The following NAAA variants were observed in gnomAD, a reference collection of about 807,000 sequenced individuals.
The protein encoded by NAAA is N-acylethanolamine-hydrolyzing acid amidase.
NAAA carries 39 observed loss-of-function variants against 44.8 expected under a neutral mutation model. That is an observed-to-expected ratio of 0.87 (90% CI 0.67 to 1.14). The LOEUF (loss-of-function observed/expected upper bound fraction) is 1.14. NAAA is among the 50% of genes most tolerant of loss of function. The pLI is 0.00. For missense variants in NAAA, 460 were observed against 467.8 expected (o/e 0.98, Z 0.15); for synonymous variants, 178 against 191.3 (o/e 0.93, Z 0.58).
chr4:75,911,383 C>T (rs1418422063), downstream of NAAA: 1 of 484,090 alleles, frequency 2.1e-6, no homozygotes, highest in South Asian at 1.5e-5. Context: ...TCACTGAGAT[C>T]ATACTATTGC....
In NAAA at chr4:75,921,031, C is replaced by A. The variant is rs141023635; in HGVS notation, c.759G>T (p.Thr253=). 6.2e-7 allele frequency: 1 copy of A among 1,607,728 alleles called. No homozygotes were observed. Among genetic ancestry groups the A allele is most frequent in the Non-Finnish European group, 8.5e-7 (1 of 1,178,696 alleles). The change falls in exon 6 of 11, where the codon ACG becomes ACT. Residue 253 remains threonine, a synonymous_variant. Transcript: ENST00000286733. ...TGATGACCACCCCCTCCCGGGGGGA[C>A]GTGCCACCAACAATGTAATAAACAT... The part of the protein sequence containing the change: ...IADVYYIVGG[T]SPREGVVITR...
chr4:75,931,952 A>G (rs1578074940), intron 3 of NAAA, among the ~76,000 whole-genome samples: 2 of 152,252 alleles, frequency 1.3e-5, no homozygotes, highest in African/African-American at 2.4e-5. Flanking sequence ...TTTTGAAGCC[A>G]GGAGCAGTGG....
In NAAA at chr4:75,940,072, G is replaced by A. The variant is rs200779020; in HGVS notation, c.300C>T (p.Arg100=). The change falls in exon 2 of 11, where the codon CGC becomes CGT. Residue 100 remains arginine (R), a synonymous_variant. Coordinates refer to ENST00000286733, the MANE Select transcript of NAAA (RefSeq NM_014435.4). ...TGAGGTTCATGAAGTCACACATGCC[G>A]CGGATCTCGCCGGTGAAGGGCTGGG... The part of the protein sequence containing the change: ...FLPQPFTGEI[R]GMCDFMNLSL... The A allele has an allele frequency of 2.5e-5, 41 of 1,614,162 alleles. No individual in the cohort carries two copies. Among genetic ancestry groups the A allele is most frequent in the Admixed American group, 1.7e-4 (10 of 60,032 alleles).
At chr4:75,917,863 G>A in intron 9 of NAAA, 1 of 338,680 alleles carries the variant, frequency 3.0e-6, no homozygotes, top group Non-Finnish European at 5.8e-6. Context: ...CTCACAGAAT[G>A]CTGCTATCAA....
Position 75,940,175 on chromosome 4 carries a change from A to G in NAAA, c.207-10T>C, listed in dbSNP as rs761380040. On this transcript the variant is annotated splice_polypyrimidine_tract_variant and intron_variant, in intron 1 of 10. Transcript: ENST00000286733. ...CTTGGGGACTCTGTCCCTAGAAACA[A>G]AAAGCACAAGGGCGTCTGACCCGCT... is the stretch of plus-strand genomic sequence containing the variant. The G allele has an allele frequency of 6.2e-7, 1 of 1,611,944 alleles. No individual in the cohort carries two copies. Among genetic ancestry groups the G allele is most frequent in the Non-Finnish European group, 8.5e-7 (1 of 1,178,546 alleles).
At chr4:75,916,778 CTTTTTTTTTTTTT>C (rs35739236) in intron 9 of NAAA, among the ~76,000 whole-genome samples, 44 of 76,980 alleles carry the variant, frequency 5.7e-4, no homozygotes, top group South Asian at 5.2e-3. Context: ...TTCATCACTT[CTTTTTTTTTTTTT>C]TTTTTTTTTT....
chr4:75,920,726 GT>G lies in NAAA; in HGVS notation c.902+11del, dbSNP rs1560502680. 1 of 1,614,192 alleles carries G rather than the reference GT, an allele frequency of 6.2e-7. No individual in the cohort carries two copies. ...GAAAACACTGCAAACCAGAAAGCAC[GT>G]AGCAGCCTACCTCCGGTCATCTTCC... On this transcript the variant is annotated intron_variant, in intron 7 of 10. Transcript: ENST00000286733.
chr4:75,919,802 T>A (rs1725975135), intron 8 of NAAA, 107 bp downstream of exon 8: 1 of 1,137,454 alleles, frequency 8.8e-7, no homozygotes, highest in African/African-American at 1.5e-5. Context: ...AATAAAACTT[T>A]TACCCTAACG....
At chr4:75,930,898 G>T (rs766654210) in intron 4 of NAAA, among the ~76,000 whole-genome samples, 3 of 152,122 alleles carry the variant, frequency 2.0e-5, no homozygotes, top group African/African-American at 7.2e-5. Context: ...CACCAGAAAT[G>T]GTCTTCCCCT....
intron 1 of NAAA, 106 bp from the exon 2 acceptor site, chr4:75,940,271 G>T: frequency 1.6e-6 from 2 of 1,263,382 alleles, no homozygotes; most frequent in Non-Finnish European, 2.2e-6. Context: ...GAGGTCTCAG[G>T]GCCACTGCTC....
chr4:75,931,875 G>C (rs546985177), intron 3 of NAAA, among the ~76,000 whole-genome samples: 2 of 152,084 alleles, frequency 1.3e-5, no homozygotes, highest in East Asian at 1.9e-4. Context: ...TTCACCAAAG[G>C]GGTGCACAAA....
In NAAA at chr4:75,940,995, C is replaced by A; in HGVS notation, c.-46G>T. On this transcript the variant is annotated 5_prime_UTR_variant, in exon 1 of 11. Transcript: ENST00000286733. ...CAACTTGGAGACCTGCAGCCGCTGTCGGAGCCCGGGTAAGCCGTGGAGGAG... is the reference window on the plus strand; with the variant it reads ...CAACTTGGAGACCTGCAGCCGCTGTAGGAGCCCGGGTAAGCCGTGGAGGAG... 2 of 1,430,560 alleles carry A rather than the reference C, an allele frequency of 1.4e-6. No individual in the cohort carries two copies. The highest frequency in any genetic ancestry group is 2.9e-5 in the South Asian group (2 of 68,122). The allele number at this position is 1,430,560 out of a possible 1,614,324, so 88.6% of individuals were successfully genotyped here.
intron 2 of NAAA, among the ~76,000 whole-genome samples, chr4:75,936,614 T>C (rs1727741928): frequency 6.6e-6 from 1 of 152,256 alleles, no homozygotes; most frequent in Admixed American, 6.5e-5. Context: ...TAACACATGA[T>C]TCAAAGCCAG....
intron 9 of NAAA, chr4:75,917,746 G>C (rs1424365620): frequency 2.5e-6 from 1 of 400,114 alleles, no homozygotes; most frequent in Non-Finnish European, 4.9e-6. Flanking sequence ...GATTACAGGC[G>C]TGAGCCACCG....
intron 3 of NAAA, chr4:75,935,699 G>C (rs1237160737): frequency 3.4e-5 from 7 of 205,846 alleles, no homozygotes; most frequent in Non-Finnish European, 5.7e-5. Context: ...AGGAAGTACA[G>C]TAATTGATAG....
chr4:75,913,681 C>A lies in NAAA; in HGVS notation c.*694G>T. ...TAAGTTTCTTGGAAATTTTTTTATT[C>A]TCCTTGCCAACATTTCTTTTGACAT... On this transcript the variant is annotated 3_prime_UTR_variant, in exon 11 of 11. Coordinates refer to ENST00000286733, the MANE Select transcript of NAAA (RefSeq NM_014435.4). 1.0e-6 allele frequency: 1 copy of A among 982,260 alleles called. No homozygotes were observed. Among genetic ancestry groups the A allele is most frequent in the Non-Finnish European group, 1.2e-6 (1 of 827,156 alleles). The allele number at this position is 982,260 out of a possible 1,614,324, so 60.8% of individuals were successfully genotyped here. A position where few individuals can be genotyped will look rare whatever the true frequency, so the allele number is the denominator to read the frequency against.
At chr4:75,922,473 G>A (rs1325663192) in intron 5 of NAAA, among the ~76,000 whole-genome samples, 1 of 152,140 alleles carries the variant, frequency 6.6e-6, no homozygotes, top group Non-Finnish European at 1.5e-5. Context: ...GTACCTGGAA[G>A]AAGGGAATGT....
downstream of NAAA, among the ~76,000 whole-genome samples, chr4:75,911,133 G>A (rs1441514130): frequency 6.6e-6 from 1 of 152,138 alleles, no homozygotes; most frequent in Non-Finnish European, 1.5e-5. Flanking sequence ...GGGTGGGGAG[G>A]GTGTCTTGTC....
rs530666067 is a variant in NAAA at position 75,917,288 on chromosome 4, T to C, written c.998+1473A>G. Reference sequence around the variant, plus strand: ...GAAGTGTATGAGCCAACTATAAGCCTGAAATCAGCCATGTGGGAGTATTCA... The same window carrying C: ...GAAGTGTATGAGCCAACTATAAGCCCGAAATCAGCCATGTGGGAGTATTCA... On this transcript the variant is annotated intron_variant, in intron 9 of 10. Coordinates refer to ENST00000286733, the MANE Select transcript of NAAA (RefSeq NM_014435.4). 2.6e-5 allele frequency among the ~76,000 whole-genome samples: 4 copies of C among 152,244 alleles called. No homozygotes were observed. The South Asian group carries it at 8.3e-4, about 32-fold the overall frequency.
Sources: gnomAD v4.1 joint callset for allele counts (sites outside exome capture counted in the v4.1 genomes callset) on GRCh38, gnomAD v4.1.1 for gene constraint, MANE v1.5 for transcripts, NCBI Gene and HGNC (gene_info 2026-07-23, HGNC 2026-07-21) for gene names.